PLEKHA5: variants seen among roughly 807,000 people sequenced by gnomAD.
The protein encoded by PLEKHA5 is pleckstrin homology domain containing A5.
Under a neutral mutation model 181.9 loss-of-function variants are expected in PLEKHA5, and 55 were observed. The ratio of observed to expected loss-of-function variants is 0.30; its 90% CI spans 0.24 to 0.38. The LOEUF (loss-of-function observed/expected upper bound fraction) is 0.38. PLEKHA5 is among the 10% of genes least tolerant of loss of function. The pLI, the probability that PLEKHA5 is intolerant of heterozygous loss-of-function variation, is 1.00. For missense variants in PLEKHA5, 1,432 were observed against 1,549.5 expected, an observed-to-expected ratio of 0.92 and a Z score of 1.27; for synonymous variants, 535 against 529.4, an observed-to-expected ratio of 1.01 and a Z score of -0.15.
At chr12:19,136,626 G>A (rs2035743429) in intron 3 of PLEKHA5, among the ~76,000 whole-genome samples, 1 of 152,166 alleles carries the variant, frequency 6.6e-6, no homozygotes. Flanking sequence ...TTAACTTAGA[G>A]TGCCAAGTAA....
intron 11 of PLEKHA5, among the ~76,000 whole-genome samples, chr12:19,276,489 G>A (rs1210298229): frequency 6.6e-6 from 1 of 152,120 alleles, no homozygotes; most frequent in Non-Finnish European, 1.5e-5. Flanking sequence ...CCAGGAGTTC[G>A]AGACCAGCCT....
At chr12:19,153,753 C>T (rs1386808958) in intron 3 of PLEKHA5, 1 of 152,070 alleles carries the variant, frequency 6.6e-6, no homozygotes, top group Non-Finnish European at 1.5e-5. Flanking sequence ...GTACATTGTT[C>T]TGTTGGGTTT....
At chr12:19,143,345 A>C (rs571196945) in intron 3 of PLEKHA5, among the ~76,000 whole-genome samples, 1 of 152,360 alleles carries the variant, frequency 6.6e-6, no homozygotes, top group East Asian at 1.9e-4. Context: ...TTCCAAATCA[A>C]ATAATAAAAG....
chr12:19,300,180 A>G (rs1592377799), intron 15 of PLEKHA5, among the ~76,000 whole-genome samples: 1 of 152,204 alleles, frequency 6.6e-6, no homozygotes, highest in African/African-American at 2.4e-5. Flanking sequence ...GACTTGCCCA[A>G]AATCATAAGC....
At chr12:19,304,143 C>T (rs922526095) in intron 15 of PLEKHA5, among the ~76,000 whole-genome samples, 5 of 152,012 alleles carry the variant, frequency 3.3e-5, no homozygotes, top group Non-Finnish European at 7.4e-5. Flanking sequence ...AGTAACTGGC[C>T]AGGCACGGTG....
At chr12:19,183,791 G>A (rs1019315809) in intron 3 of PLEKHA5, among the ~76,000 whole-genome samples, 14 of 152,164 alleles carry the variant, frequency 9.2e-5, no homozygotes, top group Admixed American at 8.5e-4. Context: ...TTGGCTCACC[G>A]CACCCTCTGC....
intron 21 of PLEKHA5, among the ~76,000 whole-genome samples, chr12:19,342,872 G>A (rs995859711): frequency 6.6e-6 from 1 of 152,046 alleles, no homozygotes; most frequent in Non-Finnish European, 1.5e-5. Flanking sequence ...TTGTTTTTAT[G>A]TTCTAGAACC....
chr12:19,325,737 G>A (rs1321123888), intron 20 of PLEKHA5, among the ~76,000 whole-genome samples: 15 of 151,140 alleles, frequency 9.9e-5, no homozygotes, highest in African/African-American at 3.2e-4. Flanking sequence ...AGGCAGGTGC[G>A]GTGGCTCAAG....
chr12:19,223,847 G>A (rs1470952112), intron 3 of PLEKHA5, among the ~76,000 whole-genome samples: 1 of 152,042 alleles, frequency 6.6e-6, no homozygotes, highest in African/African-American at 2.4e-5. Context: ...TTGCTGGACC[G>A]CTACTCCAAA....
intron 3 of PLEKHA5, among the ~76,000 whole-genome samples, chr12:19,234,711 A>G (rs965554891): frequency 1.3e-5 from 2 of 152,220 alleles, no homozygotes; most frequent in Non-Finnish European, 2.9e-5. Flanking sequence ...GCAACAGTGA[A>G]TACACCTAAA....
At chr12:19,314,656 G>T in intron 15 of PLEKHA5, 158 bp from the exon 16 acceptor site, 1 of 647,432 alleles carries the variant, frequency 1.5e-6, no homozygotes, top group Admixed American at 2.1e-5. Flanking sequence ...GTTTGAAATG[G>T]TTTATATGAA....
chr12:19,283,185 A>AT, intron 11 of PLEKHA5, 95 bp from the exon 12 acceptor site: 3 of 592,646 alleles, frequency 5.1e-6, no homozygotes, highest in Non-Finnish European at 8.5e-6. Context: ...TCTAATGTAT[A>AT]TTTTACTTAC....
chr12:19,359,915 G>A (rs1055725231), intron 28 of PLEKHA5, among the ~76,000 whole-genome samples: 5 of 151,648 alleles, frequency 3.3e-5, no homozygotes, highest in Admixed American at 6.6e-5. Context: ...GCAGTGAGCC[G>A]AGATCGCGCC....
At chr12:19,139,055 C>T (rs1221167276) in intron 3 of PLEKHA5, among the ~76,000 whole-genome samples, 3 of 151,968 alleles carry the variant, frequency 2.0e-5, no homozygotes, top group Admixed American at 1.3e-4. Flanking sequence ...AGTCTGTTGC[C>T]ATAATTGGGT....
intron 25 of PLEKHA5, among the ~76,000 whole-genome samples, chr12:19,351,886 C>A (rs567223859): frequency 1.3e-5 from 2 of 152,072 alleles, no homozygotes; most frequent in African/African-American, 4.8e-5. Context: ...CCAGCCTGAC[C>A]AACATGGCGA....
chr12:19,230,432 T>G (rs1005319579), intron 3 of PLEKHA5, among the ~76,000 whole-genome samples: 1 of 152,104 alleles, frequency 6.6e-6, no homozygotes. Context: ...CGGGGAGGCT[T>G]GGGCCGTGCA....
rs1353280298 is a variant in PLEKHA5, at chr12:19,249,053, A to T, written c.228-4887A>T. 3.9e-5 allele frequency among the ~76,000 whole-genome samples: 6 copies of T among 152,242 alleles called. No homozygotes were observed. The East Asian group carries it at 9.7e-4, about 25-fold the overall frequency. ...TAATTTATAAATTAGGCACAGTGGG[A>T]CAGGCATGCTGATTCATGCCTGTAA... On this transcript the variant is annotated intron_variant, in intron 3 of 31. Coordinates refer to ENST00000429027, the MANE Select transcript of PLEKHA5 (RefSeq NM_001256470.2).
intron 11 of PLEKHA5, among the ~76,000 whole-genome samples, chr12:19,281,353 G>T (rs2076093696): frequency 6.6e-6 from 1 of 152,062 alleles, no homozygotes; most frequent in African/African-American, 2.4e-5. Flanking sequence ...GAGGCAGGCA[G>T]ATTGCCTGAG....
chr12:19,344,940 C>A (rs1158498001), intron 22 of PLEKHA5, among the ~76,000 whole-genome samples: 58 of 148,188 alleles, frequency 3.9e-4, no homozygotes, highest in African/African-American at 1.4e-3. Flanking sequence ...AAAACCCCGG[C>A]TCTACTGAAA....
Sources: gnomAD v4.1 joint callset for allele counts (sites outside exome capture counted in the v4.1 genomes callset) on GRCh38, gnomAD v4.1.1 for gene constraint, MANE v1.5 for transcripts, NCBI Gene and HGNC (gene_info 2026-07-23, HGNC 2026-07-21) for gene names.